CROCC2: variants seen among roughly 807,000 people sequenced by gnomAD.
The protein encoded by CROCC2 is ciliary rootlet coiled-coil, rootletin family member 2.
In CROCC2, 163 loss-of-function variants were observed where a neutral mutation model predicts 177.6. The observed-to-expected ratio is 0.92, with a 90% CI of 0.81 to 1.05. The LOEUF is 1.05. Ranked by LOEUF, CROCC2 falls within the 50% of genes least tolerant of loss-of-function variation. The pLI is 0.00. For missense variants in CROCC2, 1,929 were observed against 1,797.8 expected, an observed-to-expected ratio of 1.07 and a Z score of -1.32; for synonymous variants, 904 against 787.3, an observed-to-expected ratio of 1.15 and a Z score of -2.48.
Position 240,966,405 on chromosome 2 carries a change from A to G in CROCC2, c.4142A>G (p.Glu1381Gly). The G allele has an allele frequency of 2.5e-6, 1 of 401,092 alleles. No homozygotes were observed. The highest frequency in any genetic ancestry group is 4.4e-6 in the Non-Finnish European group (1 of 226,512). 24.8% of individuals were successfully genotyped at this position (401,092 alleles called of 1,614,324 possible). The change falls in exon 25 of 32, where the codon GAG becomes GGG. Residue 1381 changes from glutamate (E) to glycine (G), a missense_variant. Physicochemically the swap from Glu to Gly is moderately conservative, Grantham distance 98. Around this residue, in one of 3 missense-constraint regions of CROCC2, gnomAD observed 388 missense variants for 352.7 expected, o/e 1.10. Coordinates refer to ENST00000690015, the MANE Select transcript of CROCC2 (RefSeq NM_001351305.2). Reference protein sequence around the residue: ...FVQKLREAQRERDDSRIQMAT... With the variant: ...FVQKLREAQRGRDDSRIQMAT... Reference sequence around the variant, plus strand: ...CAGAAGCTCCGGGAAGCCCAGCGGGAGCGGGTAATGGGGGCTGGGGTCCTC... The same window carrying G: ...CAGAAGCTCCGGGAAGCCCAGCGGGGGCGGGTAATGGGGGCTGGGGTCCTC...
chr2:240,938,667 G>A (rs1402992353), intron 14 of CROCC2, among the ~76,000 whole-genome samples: 1 of 152,162 alleles, frequency 6.6e-6, no homozygotes, highest in Non-Finnish European at 1.5e-5. Flanking sequence ...TGAGGAAATG[G>A]ACATCTTAAA....
intron 27 of CROCC2, among the ~76,000 whole-genome samples, chr2:240,978,233 G>C (rs1473753468): frequency 1.8e-5 from 1 of 54,746 alleles, no homozygotes; most frequent in Non-Finnish European, 3.1e-5. Context: ...TCTGGGGTAG[G>C]AGCCTCAGGA....
chr2:240,984,448 G>A (rs910851991), intron 28 of CROCC2, among the ~76,000 whole-genome samples: 6 of 151,896 alleles, frequency 4.0e-5, no homozygotes, highest in African/African-American at 1.2e-4. Context: ...GTCACTCTGG[G>A]CCCACCGAGG....
At chr2:240,985,903 C>T (rs1454593334) in intron 28 of CROCC2, 1 of 454,758 alleles carries the variant, frequency 2.2e-6, no homozygotes, top group Admixed American at 2.4e-5. Flanking sequence ...CCCCACCTGG[C>T]AGGTGAGGGC....
chr2:240,932,645 C>A (rs1482830562), intron 8 of CROCC2, 57 bp from the exon 9 acceptor site: 2 of 718,766 alleles, frequency 2.8e-6, no homozygotes, highest in African/African-American at 3.5e-5. Flanking sequence ...GCGGTCCCCA[C>A]CAAATCATGG....
intron 20 of CROCC2, among the ~76,000 whole-genome samples, chr2:240,962,632 A>T (rs1386349871): frequency 6.6e-6 from 1 of 152,214 alleles, no homozygotes; most frequent in African/African-American, 2.4e-5. Flanking sequence ...TTGTCAAGCC[A>T]GCGACTTGAC....
chr2:240,982,963 A>G lies in CROCC2; in HGVS notation c.4485A>G (p.Glu1495=). The change falls in exon 28 of 32, where the codon GAA becomes GAG. Residue 1495 remains glutamate, a synonymous_variant. Coordinates refer to ENST00000690015, the MANE Select transcript of CROCC2 (RefSeq NM_001351305.2). The surrounding 1 kb of genome is among the most constrained non-coding windows in gnomAD (Gnocchi z 4.7). Reference sequence around the variant, plus strand: ...TGGCCAAGCAGGGGAAGCTGCTGGAAGAACAGCTCACCAACTTGGAGCACA... The same window carrying G: ...TGGCCAAGCAGGGGAAGCTGCTGGAGGAACAGCTCACCAACTTGGAGCACA... ...QGLAKQGKLL[E]EQLTNLEHRC... is the part of the protein sequence containing the mutation. 1 of 1,550,494 alleles carries G rather than the reference A, an allele frequency of 6.4e-7. No homozygotes were observed. Among genetic ancestry groups the G allele is most frequent in the Non-Finnish European group, 8.7e-7 (1 of 1,146,960 alleles).
At position 240,958,232 on chromosome 2, in the gene CROCC2, T is replaced by A. The variant is rs951189654; in HGVS notation, c.2944-1069T>A. 9 of 977,830 alleles carry A rather than the reference T, an allele frequency of 9.2e-6. No individual in the cohort carries two copies. In the African/African-American group the frequency reaches 1.6e-4, roughly 17 times the overall value. The allele number at this position is 977,830 out of a possible 1,614,324, so 60.6% of individuals were successfully genotyped here. ...CCACTGCCATCGGGCTCCCAGCCGA[T>A]GCCCTGTCCCTGAGGCCCTCACAGG... On this transcript the variant is annotated intron_variant, in intron 19 of 31. Coordinates refer to ENST00000690015, the MANE Select transcript of CROCC2 (RefSeq NM_001351305.2). This position sits in a 1 kb window ranked among gnomAD's most constrained non-coding sequence, Gnocchi z 6.7.
At chr2:240,942,786 C>T (rs1264871457) in intron 14 of CROCC2, among the ~76,000 whole-genome samples, 2 of 152,104 alleles carry the variant, frequency 1.3e-5, no homozygotes, top group Non-Finnish European at 2.9e-5. Context: ...AATGGGAAAT[C>T]TCAGGTGTTT....
At position 240,930,974 on chromosome 2, in the gene CROCC2, C is replaced by A. The variant is rs748292432; in HGVS notation, c.793C>A (p.Arg265Ser). ...GGCAGACACGGCCAGGACAGCCCGCCGCCTGCACACCGCCTGCCTGAACCT... is the reference window on the plus strand; with the variant it reads ...GGCAGACACGGCCAGGACAGCCCGCAGCCTGCACACCGCCTGCCTGAACCT... ...LQADTARTAR[R>S]LHTACLNLDS... Residue 265 changes from arginine (R) to serine (S), a missense_variant, in exon 7 of 32, where the codon CGC (arginine) becomes AGC (serine). By Grantham distance (110) the Arg-to-Ser change is moderately radical (BLOSUM62 -1). Around this residue, in one of 3 missense-constraint regions of CROCC2, gnomAD observed 1,397 missense variants for 1,239.9 expected, o/e 1.13. Transcript: ENST00000690015. The A allele has an allele frequency of 4.2e-6, 3 of 715,338 alleles. No homozygotes were observed. The highest frequency in any genetic ancestry group is 3.0e-5 in the South Asian group (2 of 67,530). The allele number at this position is 715,338 out of a possible 1,614,324, so 44.3% of individuals were successfully genotyped here. A position where few individuals can be genotyped will look rare whatever the true frequency, so the allele number is the denominator to read the frequency against.
rs1190331735 is a variant in CROCC2, at chr2:240,934,994, G to A, written c.1870G>A (p.Ala624Thr). The A allele has an allele frequency of 8.3e-6, 12 of 1,448,322 alleles. No homozygotes were observed. In the East Asian group the frequency reaches 2.8e-4, roughly 34 times the overall value. The allele number at this position is 1,448,322 out of a possible 1,614,324, so 89.7% of individuals were successfully genotyped here. A position where few individuals can be genotyped will look rare whatever the true frequency, so the allele number is the denominator to read the frequency against. The change falls in exon 13 of 32, where the codon GCC (alanine) becomes ACC (threonine). Residue 624 changes from alanine (A) to threonine (T), a missense_variant. By Grantham distance (58) the Ala-to-Thr change is moderately conservative. Coordinates refer to ENST00000690015, the MANE Select transcript of CROCC2 (RefSeq NM_001351305.2). ...GGGAGTGGAGCAAAGGGACTCCCTG[G>A]CCGCAATGGCCGCCTTGATGGAGGG... ...SEGVEQRDSL[A>T]AMAALMEGLA...
At chr2:240,911,296 CTTTT>C (rs35968018) in intron 1 of CROCC2, among the ~76,000 whole-genome samples, 3 of 123,074 alleles carry the variant, frequency 2.4e-5, no homozygotes, top group South Asian at 2.7e-4. Flanking sequence ...ACGTCCACAA[CTTTT>C]TTTTTTTTTT....
At position 240,949,146 on chromosome 2, in the gene CROCC2, AG is replaced by A. The variant is rs1481800690; in HGVS notation, c.2482+53del. On this transcript the variant is annotated intron_variant, in intron 16 of 31. Transcript: ENST00000690015. The surrounding 1 kb of genome is among the most constrained non-coding windows in gnomAD (Gnocchi z 4.5). ...CTCCTTCCCCGAAAGTCAGCCATGG[AG>A]GGGCCCCTGGAATGGAGCTCAGTGC... The A allele has an allele frequency of 6.8e-7, 1 of 1,481,080 alleles. No homozygotes were observed. The highest frequency in any genetic ancestry group is 2.5e-5 in the East Asian group (1 of 40,446). 91.7% of individuals were successfully genotyped at this position (1,481,080 alleles called of 1,614,324 possible).
chr2:240,944,683 A>G (rs894296382), intron 14 of CROCC2, among the ~76,000 whole-genome samples: 4 of 151,952 alleles, frequency 2.6e-5, no homozygotes, highest in African/African-American at 7.3e-5. Context: ...ACGTCTTGCT[A>G]TCCATCTTCT....
In CROCC2 at chr2:240,933,757, G is replaced by GGCTGCAGAGCTGCAGAGAAGCCTCCT; in HGVS notation, c.1559_1584dup (p.Ala529SerfsTer55). The GGCTGCAGAGCTGCAGAGAAGCCTCCT allele has an allele frequency of 6.5e-7, 1 of 1,549,878 alleles. No individual in the cohort carries two copies. Among genetic ancestry groups the GGCTGCAGAGCTGCAGAGAAGCCTCCT allele is most frequent in the Non-Finnish European group, 8.7e-7 (1 of 1,146,842 alleles). ...CGGAGAAGCAGGGGCTGGAGGCCGA[G>GGCTGCAGAGCTGCAGAGAAGCCTCCT]GCTGCAGAGCTGCAGAGAAGCCTCC... On this transcript the variant is annotated frameshift_variant, in exon 11 of 32. Coordinates refer to ENST00000690015, the MANE Select transcript of CROCC2 (RefSeq NM_001351305.2). LOFTEE classifies it high-confidence loss of function.
rs2059446285 is a variant in CROCC2, at chr2:240,933,270, C to T, written c.1391C>T (p.Ala464Val). ...CGGGAGCAGGCACGGGAACGAGAGGCTCTTCGGGGCCAGCTGGAGGCCCAG... is the reference window on the plus strand; with the variant it reads ...CGGGAGCAGGCACGGGAACGAGAGGTTCTTCGGGGCCAGCTGGAGGCCCAG... ...RAREQARERE[A>V]LRGQLEAQRL... is the part of the protein sequence containing the mutation. The change falls in exon 10 of 32, where the codon GCT becomes GTT. Residue 464 changes from alanine (A) to valine (V), a missense_variant. Coordinates refer to ENST00000690015, the MANE Select transcript of CROCC2 (RefSeq NM_001351305.2). The T allele has an allele frequency of 6.5e-7, 1 of 1,547,554 alleles. No individual in the cohort carries two copies.
intron 14 of CROCC2, 119 bp from the exon 15 acceptor site, chr2:240,945,941 C>T: frequency 1.3e-6 from 1 of 759,690 alleles, no homozygotes; most frequent in Non-Finnish European, 2.0e-6. Context: ...ACTTTCACCT[C>T]CATGCCATTC....
In CROCC2 at chr2:240,932,429, C is replaced by T. The variant is rs368896522; in HGVS notation, c.1044+15C>T. ...TGCAGAACCTGGTTGGTGGGCAGGACGGGGGTGGCTGTGTGGCAGGGGTCT... is the reference window on the plus strand; with the variant it reads ...TGCAGAACCTGGTTGGTGGGCAGGATGGGGGTGGCTGTGTGGCAGGGGTCT... On this transcript the variant is annotated intron_variant, in intron 8 of 31. Coordinates refer to ENST00000690015, the MANE Select transcript of CROCC2 (RefSeq NM_001351305.2). 1.4e-5 allele frequency: 10 copies of T among 717,312 alleles called. No homozygotes were observed. The highest frequency in any genetic ancestry group is 6.0e-5 in the Admixed American group (3 of 49,988). 44.4% of individuals were successfully genotyped at this position (717,312 alleles called of 1,614,324 possible).
In CROCC2 at chr2:240,933,285, T is replaced by G. The variant is rs1290172109; in HGVS notation, c.1406T>G (p.Leu469Arg). 3 of 1,546,112 alleles carry G rather than the reference T, an allele frequency of 1.9e-6. No homozygotes were observed. The highest frequency in any genetic ancestry group is 2.6e-6 in the Non-Finnish European group (3 of 1,146,088). The change falls in exon 10 of 32, where the codon CTG (leucine) becomes CGG (arginine). Residue 469 changes from leucine (L) to arginine (R), a missense_variant. Leu to Arg is a moderately radical substitution (Grantham distance 102). Transcript: ENST00000690015. ...AREREALRGQLEAQRLEVQQC... is the reference protein window; with the variant it reads ...AREREALRGQREAQRLEVQQC... ...GAACGAGAGGCTCTTCGGGGCCAGC[T>G]GGAGGCCCAGAGGCTCGAGGTGCAG... is the stretch of plus-strand genomic sequence containing the variant.
Sources: allele counts gnomAD v4.1 joint callset (sites outside exome capture counted in the v4.1 genomes callset), GRCh38; gene constraint gnomAD v4.1.1; regional missense constraint gnomAD v4.1.1; non-coding constraint Gnocchi (gnomAD v3.1); transcripts MANE v1.5; gene names NCBI Gene and HGNC (gene_info 2026-07-23, HGNC 2026-07-21).